The following HCN4 variants were observed in gnomAD, a reference collection of about 807,000 sequenced individuals.
HCN4 encodes hyperpolarization activated cyclic nucleotide gated potassium channel 4.
A neutral mutation model predicts 76.9 loss-of-function variants in HCN4; 29 were observed. The observed-to-expected ratio is 0.38, with a 90% confidence interval of 0.28 to 0.51. The LOEUF (loss-of-function observed/expected upper bound fraction) is 0.51. HCN4 is among the 20% of genes least tolerant of loss of function. HCN4 has a pLI of 0.90. For synonymous variants in HCN4, 772 were observed against 762.5 expected, an observed-to-expected ratio of 1.01 and a Z score of -0.21; for missense variants, 1,416 against 1,715.2, an observed-to-expected ratio of 0.83 and a Z score of 3.08.
intron 4 of HCN4, among the ~76,000 whole-genome samples, chr15:73,327,120 T>A (rs1268991226): frequency 6.6e-6 from 1 of 150,574 alleles, no homozygotes; most frequent in Non-Finnish European, 1.5e-5. Flanking sequence ...TTTTTTTTTT[T>A]TTTTGAGATG....
Position 73,324,103 on chromosome 15 carries a change from C to T in HCN4, c.2129G>A (p.Arg710His), listed in dbSNP as rs961219559. ...CTCCCCCTCACCAATGCGGTCCAGG[C>T]GGTCCAGCGCCACGGTCTCGAAGGC... ...RRAFETVALD[R>H]LDRIGKKNSI... Residue 710 changes from arginine to histidine, a missense_variant, in exon 7 of 8, where the codon CGC becomes CAC. Around this residue, in one of 6 missense-constraint regions of HCN4, gnomAD observed 241 missense variants for 379.4 expected, o/e 0.64. Transcript: ENST00000261917. The T allele has an allele frequency of 1.2e-6, 2 of 1,613,166 alleles. No homozygotes were observed. The highest frequency in any genetic ancestry group is 1.1e-5 in the South Asian group (1 of 91,046).
At chr15:73,341,592 A>G (rs1463745918) in intron 2 of HCN4, among the ~76,000 whole-genome samples, 2 of 152,148 alleles carry the variant, frequency 1.3e-5, no homozygotes, top group Non-Finnish European at 2.9e-5. Flanking sequence ...GGCAGTGTGG[A>G]GCCGGGATTT....
rs747348560 is a variant in HCN4, at chr15:73,323,610, C to T, written c.2483G>A (p.Arg828Gln). The T allele has an allele frequency of 6.9e-6, 11 of 1,600,888 alleles. No homozygotes were observed. The highest frequency in any genetic ancestry group is 2.2e-5 in the South Asian group (2 of 90,884). ...GAGQTPRHLK[R>Q]LQSLIPSALG... ...CGCAGAAGGGATCAGGGACTGCAGC[C>T]GTTTCAGGTGCCTTGGCGTCTGCCC... Residue 828 changes from arginine (R) to glutamine (Q), a missense_variant, in exon 8 of 8, where the codon CGG becomes CAG. By Grantham distance (43) the Arg-to-Gln change is conservative. This residue lies in a region of HCN4 where 633 missense variants were observed against 579.8 expected (regional missense o/e 1.09). Coordinates refer to ENST00000261917, the MANE Select transcript of HCN4 (RefSeq NM_005477.3).
rs1168950053 is a variant in HCN4, at chr15:73,353,047, TGGAC to T, written c.786-9243_786-9240del. On this transcript the variant is annotated intron_variant, in intron 1 of 7. Transcript: ENST00000261917. The stretch of plus-strand genomic sequence containing the variant: ...ATGGATGGATGGATGGATGGATGGA[TGGAC>T]GGACGGACGGGAGACTGTTGCCAGA... 2.5e-3 allele frequency among the ~76,000 whole-genome samples: 342 copies of T among 138,920 alleles called. 1 individual carries two copies. The highest frequency in any genetic ancestry group is 7.8e-3 in the African/African-American group (307 of 39,122). 91.1% of individuals were successfully genotyped at this position (138,920 alleles called of 152,430 possible).
chr15:73,358,541 C>T (rs752646911), intron 1 of HCN4, among the ~76,000 whole-genome samples: 24 of 152,306 alleles, frequency 1.6e-4, no homozygotes, highest in Middle Eastern at 3.4e-3. Context: ...GCAGGAGAAG[C>T]GAGTCTTCTC....
At chr15:73,363,920 G>A (rs11638230) in intron 1 of HCN4, among the ~76,000 whole-genome samples, 11,782 of 152,174 alleles carry the variant, frequency 0.077, 463 homozygotes, top group Non-Finnish European at 0.087. Context: ...GGGCTCCACA[G>A]CAGTCAGGGT....
intron 2 of HCN4, among the ~76,000 whole-genome samples, chr15:73,336,068 G>C (rs542264373): frequency 6.6e-6 from 1 of 152,242 alleles, no homozygotes; most frequent in East Asian, 1.9e-4. Context: ...TAGAAACCCA[G>C]CAACAGAGGA....
chr15:73,354,249 C>T (rs544106090), intron 1 of HCN4, among the ~76,000 whole-genome samples: 1 of 152,358 alleles, frequency 6.6e-6, no homozygotes, highest in East Asian at 1.9e-4. Context: ...CCTGCCTCTT[C>T]TAAGGTACCT....
rs575755978 is a variant in HCN4 at position 73,342,012 on chromosome 15, G to A, written c.1209+1373C>T. 3.2e-4 allele frequency among the ~76,000 whole-genome samples: 49 copies of A among 152,306 alleles called. 2 individuals are homozygous for A. Among genetic ancestry groups the A allele is most frequent in the Admixed American group, 2.5e-3 (38 of 15,306 alleles). ...CAGCCACGCGGCACAGGGATGGAGCGGGAAATGGCCCTCCATGGAAGCTTG... is the reference window on the plus strand; with the variant it reads ...CAGCCACGCGGCACAGGGATGGAGCAGGAAATGGCCCTCCATGGAAGCTTG... On this transcript the variant is annotated intron_variant, in intron 2 of 7. Transcript: ENST00000261917.
chr15:73,338,345 G>A (rs478438), intron 2 of HCN4, among the ~76,000 whole-genome samples: 33,029 of 152,184 alleles, frequency 0.22, 6,066 homozygotes, highest in African/African-American at 0.5. Context: ...AGCCTTGCCC[G>A]TCAGGCGGTC....
chr15:73,348,319 C>CA (rs1440501218), intron 1 of HCN4, among the ~76,000 whole-genome samples: 6 of 152,220 alleles, frequency 3.9e-5, no homozygotes, highest in Non-Finnish European at 5.9e-5. Context: ...CTTGTCCACA[C>CA]ACACCCACGC....
intron 1 of HCN4, among the ~76,000 whole-genome samples, chr15:73,353,524 A>G (rs1018059693): frequency 1.3e-5 from 2 of 152,182 alleles, no homozygotes; most frequent in Non-Finnish European, 2.9e-5. Context: ...GACACGTGAC[A>G]CGCATGAGGA....
In HCN4 at chr15:73,323,293, G is replaced by A. The variant is rs199638465; in HGVS notation, c.2800C>T (p.Arg934Cys). Reference sequence around the variant, plus strand: ...GATGGCTGGGCAGCCTGCGGGGAGCGGGCGCCTGGCTGCAGCGGGGTGAGC... The same window carrying A: ...GATGGCTGGGCAGCCTGCGGGGAGCAGGCGCCTGGCTGCAGCGGGGTGAGC... ...PLLTPLQPGA[R>C]SPQAAQPSPA... is the part of the protein sequence containing the mutation. The change falls in exon 8 of 8, where the codon CGC (arginine) becomes TGC (cysteine). Residue 934 changes from arginine to cysteine, a missense_variant. Transcript: ENST00000261917. The A allele has an allele frequency of 1.1e-4, 169 of 1,539,942 alleles. No individual in the cohort carries two copies. In the African/African-American group the frequency reaches 1.3e-3, roughly 12 times the overall value.
At chr15:73,348,537 T>G (rs1046979942) in intron 1 of HCN4, among the ~76,000 whole-genome samples, 1 of 152,248 alleles carries the variant, frequency 6.6e-6, no homozygotes, top group Non-Finnish European at 1.5e-5. Flanking sequence ...TTGGCACAAA[T>G]GATATCCACT....
intron 1 of HCN4, among the ~76,000 whole-genome samples, chr15:73,356,393 T>G (rs1471648530): frequency 7.0e-6 from 1 of 142,304 alleles, no homozygotes; most frequent in Non-Finnish European, 1.5e-5. Flanking sequence ...TTTTTTTTTT[T>G]GTAGAGGTAG....
Position 73,325,412 on chromosome 15 carries a change from G to T in HCN4, c.1623C>A (p.His541Gln), listed in dbSNP as rs762870407. ...YKQVEQYMSF[H>Q]KLPPDTRQRI... The stretch of plus-strand genomic sequence containing the variant: ...GCTGCCGGGTGTCGGGCGGGAGCTT[G>T]TGAAAGGACATGTACTGCTCCACCT... Residue 541 changes from histidine (H) to glutamine (Q), a missense_variant, in exon 5 of 8, where the codon CAC becomes CAA. Physicochemically the swap from His to Gln is conservative, Grantham distance 24 (BLOSUM62 0). This residue lies in a region of HCN4 where 241 missense variants were observed against 379.4 expected (regional missense o/e 0.64). Transcript: ENST00000261917. The surrounding 1 kb of genome is among the most constrained non-coding windows in gnomAD (Gnocchi z 7.4). 1 of 1,614,158 alleles carries T rather than the reference G, an allele frequency of 6.2e-7. No homozygotes were observed. The highest frequency in any genetic ancestry group is 1.1e-5 in the South Asian group (1 of 91,086).
chr15:73,347,197 T>C (rs1385587876), intron 1 of HCN4, among the ~76,000 whole-genome samples: 1 of 152,200 alleles, frequency 6.6e-6, no homozygotes, highest in Non-Finnish European at 1.5e-5. Context: ...ACTAGCACTG[T>C]GGCTGCTGTT....
Position 73,349,401 on chromosome 15 carries a change from T to C in HCN4, c.786-5593A>G, listed in dbSNP as rs535097767. Among the ~76,000 whole-genome samples the C allele has an allele frequency of 1.3e-4, 20 of 152,210 alleles. No individual in the cohort carries two copies. The South Asian group carries it at 4.2e-3, about 32-fold the overall frequency. On this transcript the variant is annotated intron_variant, in intron 1 of 7. Transcript: ENST00000261917. Reference sequence around the variant, plus strand: ...ACTATGATTATGCCCATTTTACAGATGAGGAGACTGAGGTACAAGGAGTTG... The same window carrying C: ...ACTATGATTATGCCCATTTTACAGACGAGGAGACTGAGGTACAAGGAGTTG...
intron 3 of HCN4, among the ~76,000 whole-genome samples, chr15:73,330,600 T>C (rs2151217338): frequency 6.6e-6 from 1 of 152,316 alleles, no homozygotes; most frequent in South Asian, 2.1e-4. Context: ...ATGCCAGCAC[T>C]GGCCACCTCC....
Sources: allele counts gnomAD v4.1 joint callset (sites outside exome capture counted in the v4.1 genomes callset), GRCh38; gene constraint gnomAD v4.1.1; regional missense constraint gnomAD v4.1.1; non-coding constraint Gnocchi (gnomAD v3.1); transcripts MANE v1.5; gene names NCBI Gene and HGNC (gene_info 2026-07-23, HGNC 2026-07-21).